The following MBD5 variants were observed in gnomAD, a reference collection of about 807,000 sequenced individuals.
MBD5 encodes methyl-CpG binding domain protein 5.
MBD5 carries 13 observed loss-of-function variants against 117.3 expected under a neutral mutation model. The ratio of observed to expected loss-of-function variants is 0.11; its 90% CI spans 0.07 to 0.18. MBD5 has a LOEUF of 0.18. Ranked by LOEUF, MBD5 falls within the 10% of genes least tolerant of loss-of-function variation. MBD5 has a pLI of 1.00. For synonymous variants in MBD5, 727 were observed against 766.4 expected, an observed-to-expected ratio of 0.95 and a Z score of 0.85; for missense variants, 1,879 against 2,093.8, an observed-to-expected ratio of 0.90 and a Z score of 2.00.
At chr2:148,309,196 C>A (rs1185802663) in intron 3 of MBD5, among the ~76,000 whole-genome samples, 2 of 152,094 alleles carry the variant, frequency 1.3e-5, no homozygotes, top group African/African-American at 4.8e-5. Context: ...CAAAGAAAGT[C>A]AATGGTAGAT....
intron 3 of MBD5, among the ~76,000 whole-genome samples, chr2:148,313,043 C>T (rs987931693): frequency 6.6e-6 from 1 of 152,118 alleles, no homozygotes; most frequent in Non-Finnish European, 1.5e-5. Flanking sequence ...CAGAGTGGCA[C>T]CCGCTAGATG....
intron 1 of MBD5, among the ~76,000 whole-genome samples, chr2:148,141,751 C>A (rs762794174): frequency 1.4e-4 from 21 of 151,240 alleles, no homozygotes; most frequent in Admixed American, 6.0e-4. Context: ...TGTAAACATG[C>A]ACTGAAGTCC....
At chr2:148,439,742 T>C (rs1251905772) in intron 4 of MBD5, among the ~76,000 whole-genome samples, 2 of 150,998 alleles carry the variant, frequency 1.3e-5, no homozygotes, top group African/African-American at 4.9e-5. Flanking sequence ...TCTCTCTTTT[T>C]TTTTTTTTTT....
chr2:148,127,951 T>C (rs767413846), intron 1 of MBD5, among the ~76,000 whole-genome samples: 11 of 152,270 alleles, frequency 7.2e-5, no homozygotes, highest in African/African-American at 2.4e-5. Flanking sequence ...TGGTATCTCA[T>C]TGTTGTTTTA....
At chr2:148,349,414 A>G (rs1276113079) in intron 4 of MBD5, among the ~76,000 whole-genome samples, 4 of 151,918 alleles carry the variant, frequency 2.6e-5, no homozygotes, top group Admixed American at 6.6e-5. Flanking sequence ...TTATATTTTT[A>G]TTATTATCAT....
chr2:148,462,889 T>C (rs1369739869), intron 6 of MBD5, among the ~76,000 whole-genome samples: 2 of 152,200 alleles, frequency 1.3e-5, no homozygotes, highest in Non-Finnish European at 2.9e-5. Context: ...TTCAAAGGTG[T>C]CAAATCTATA....
At chr2:148,324,700 G>C (rs1434501056) in intron 3 of MBD5, among the ~76,000 whole-genome samples, 1 of 152,166 alleles carries the variant, frequency 6.6e-6, no homozygotes, top group East Asian at 1.9e-4. Flanking sequence ...CTGAGACTTT[G>C]CTGAAGTTGC....
intron 4 of MBD5, among the ~76,000 whole-genome samples, chr2:148,371,815 G>A (rs1050298948): frequency 6.6e-6 from 1 of 152,076 alleles, no homozygotes. Flanking sequence ...TCAGTGTTGT[G>A]ATTCTCTTAT....
At chr2:148,204,157 G>T (rs1296917811) in intron 2 of MBD5, among the ~76,000 whole-genome samples, 1 of 152,108 alleles carries the variant, frequency 6.6e-6, no homozygotes, top group Admixed American at 6.5e-5. Flanking sequence ...CTCTGGAAAA[G>T]ACATCATGAA....
intron 1 of MBD5, among the ~76,000 whole-genome samples, chr2:148,161,394 T>C (rs1698003871): frequency 6.6e-6 from 1 of 152,194 alleles, no homozygotes; most frequent in African/African-American, 2.4e-5. Context: ...TCAGCATCTT[T>C]ATGCTGAGGA....
intron 1 of MBD5, among the ~76,000 whole-genome samples, chr2:148,108,332 A>G (rs1371547679): frequency 1.3e-5 from 2 of 152,150 alleles, no homozygotes; most frequent in Non-Finnish European, 2.9e-5. Context: ...GAGGATTATA[A>G]TGGTACCTTT....
At chr2:148,384,432 C>G (rs1487377492) in intron 4 of MBD5, among the ~76,000 whole-genome samples, 1 of 152,064 alleles carries the variant, frequency 6.6e-6, no homozygotes, top group African/African-American at 2.4e-5. Flanking sequence ...TCAAGGAGAA[C>G]TACAAACCAC....
chr2:148,114,935 G>A (rs1333174054), intron 1 of MBD5, among the ~76,000 whole-genome samples: 3 of 151,880 alleles, frequency 2.0e-5, no homozygotes, highest in Non-Finnish European at 2.9e-5. Flanking sequence ...ATTCCTACCT[G>A]TAACAGTACT....
At chr2:148,194,763 G>GAAAAAAAAAAATA (rs1698928187) in intron 2 of MBD5, among the ~76,000 whole-genome samples, 1 of 124,456 alleles carries the variant, frequency 8.0e-6, no homozygotes. Context: ...AGTATAATAA[G>GAAAAAAAAAAATA]AAAAAAAAAA....
chr2:148,156,126 A>G (rs566455742), intron 1 of MBD5, among the ~76,000 whole-genome samples: 1 of 152,368 alleles, frequency 6.6e-6, no homozygotes. Context: ...GCCCTATTAA[A>G]GTATTTGGTT....
At chr2:148,181,514 C>T (rs765170830) in intron 2 of MBD5, among the ~76,000 whole-genome samples, 17 of 152,176 alleles carry the variant, frequency 1.1e-4, no homozygotes, top group Admixed American at 7.9e-4. Context: ...CAGCCCTTAA[C>T]GTTTTCCAGC....
chr2:148,072,937 T>C lies in MBD5; in HGVS notation c.-925+51253T>C, dbSNP rs143964568. 3.1e-4 allele frequency among the ~76,000 whole-genome samples: 47 copies of C among 152,236 alleles called. No individual in the cohort carries two copies. The East Asian group carries it at 8.7e-3, about 28-fold the overall frequency. On this transcript the variant is annotated intron_variant, in intron 1 of 13. Coordinates refer to ENST00000642680, the MANE Select transcript of MBD5 (RefSeq NM_001378120.1). The stretch of plus-strand genomic sequence containing the variant: ...TTGTTAATGTTCTGGAGTACCTATA[T>C]CCAGCTCTAAAGTTTAGCTTTTTAA...
At chr2:148,277,942 G>A (rs565878244) in intron 3 of MBD5, among the ~76,000 whole-genome samples, 63 of 152,238 alleles carry the variant, frequency 4.1e-4, no homozygotes, top group African/African-American at 1.2e-3. Flanking sequence ...TTAGTGTATA[G>A]TTCTGAGTTT....
intron 4 of MBD5, among the ~76,000 whole-genome samples, chr2:148,436,205 T>C (rs1452792150): frequency 2.6e-5 from 4 of 152,226 alleles, no homozygotes; most frequent in Non-Finnish European, 5.9e-5. Context: ...TTAAATGTAA[T>C]ATTTCTTGAT....
Sources: gnomAD v4.1 joint callset for allele counts (sites outside exome capture counted in the v4.1 genomes callset) on GRCh38, gnomAD v4.1.1 for gene constraint, MANE v1.5 for transcripts, NCBI Gene and HGNC (gene_info 2026-07-23, HGNC 2026-07-21) for gene names.